ACO1: variants seen among roughly 807,000 people sequenced by gnomAD.
The protein encoded by ACO1 is cytoplasmic aconitate hydratase.
ACO1 carries 78 observed loss-of-function variants against 105.1 expected under a neutral mutation model. The ratio of observed to expected loss-of-function variants is 0.74; its 90% CI spans 0.62 to 0.90. The LOEUF (loss-of-function observed/expected upper bound fraction) is 0.90, where lower values mean the gene tolerates loss of function less well. Among genes scored for constraint, ACO1 ranks in the 40% least tolerant of loss-of-function variants. ACO1 has a pLI of 0.00. For synonymous variants in ACO1, 364 were observed against 397.4 expected (o/e 0.92, Z 1.00); for missense variants, 965 against 1,111.1 (o/e 0.87, Z 1.87).
chr9:32,435,515 AAC>A (rs1355913220), intron 17 of ACO1, among the ~76,000 whole-genome samples: 1 of 152,204 alleles, frequency 6.6e-6, no homozygotes, highest in African/African-American at 2.4e-5. Flanking sequence ...AATTCTATCT[AAC>A]CATTGATTAA....
chr9:32,446,605 T>G (rs1389804649), intron 19 of ACO1, among the ~76,000 whole-genome samples: 3 of 152,254 alleles, frequency 2.0e-5, no homozygotes, highest in African/African-American at 7.2e-5. Context: ...AATACTGTTA[T>G]GTGTGAATTG....
intron 18 of ACO1, among the ~76,000 whole-genome samples, chr9:32,437,112 T>C (rs932558571): frequency 2.0e-5 from 3 of 152,218 alleles, no homozygotes; most frequent in Admixed American, 6.5e-5. Flanking sequence ...TGCCGACTTA[T>C]TTTAAAATAA....
chr9:32,403,712 C>A (rs183214971), intron 1 of ACO1, among the ~76,000 whole-genome samples: 123 of 152,296 alleles, frequency 8.1e-4, no homozygotes, highest in African/African-American at 2.9e-3. Flanking sequence ...GGATTCGACA[C>A]AGAGATAAGG....
At chr9:32,418,561 T>C in intron 6 of ACO1, 50 bp downstream of exon 6, 1 of 1,539,708 alleles carries the variant, frequency 6.5e-7, no homozygotes, top group Non-Finnish European at 8.8e-7. Context: ...TTTAATTCAC[T>C]GTGATTCTAT....
intron 20 of ACO1, among the ~76,000 whole-genome samples, chr9:32,449,591 G>A (rs1046511825): frequency 6.6e-6 from 1 of 152,156 alleles, no homozygotes; most frequent in East Asian, 1.9e-4. Context: ...TCTCAGATAA[G>A]CAGATGGGCC....
chr9:32,416,917 C>T (rs1050025400), intron 4 of ACO1, among the ~76,000 whole-genome samples: 17 of 152,212 alleles, frequency 1.1e-4, no homozygotes, highest in Non-Finnish European at 2.2e-4. Flanking sequence ...GATAAGTTCA[C>T]ATGTGTAAAG....
At chr9:32,399,979 T>TTTTC in intron 1 of ACO1, among the ~76,000 whole-genome samples, 1 of 136,548 alleles carries the variant, frequency 7.3e-6, no homozygotes, top group Admixed American at 7.3e-5. Flanking sequence ...TTTTTTTTTT[T>TTTTC]TTTTTTTTTG....
chr9:32,385,542 T>C (rs1447149884), intron 1 of ACO1, among the ~76,000 whole-genome samples: 1 of 152,250 alleles, frequency 6.6e-6, no homozygotes, highest in African/African-American at 2.4e-5. Flanking sequence ...GAACTAATTA[T>C]ATCTTAACAT....
At chr9:32,396,408 C>T (rs1821373111) in intron 1 of ACO1, among the ~76,000 whole-genome samples, 1 of 151,940 alleles carries the variant, frequency 6.6e-6, no homozygotes, top group African/African-American at 2.4e-5. Context: ...AGATTTACAA[C>T]ATCAAAATTG....
At chr9:32,402,410 A>G (rs1013985819) in intron 1 of ACO1, among the ~76,000 whole-genome samples, 1 of 152,206 alleles carries the variant, frequency 6.6e-6, no homozygotes, top group Non-Finnish European at 1.5e-5. Flanking sequence ...TTTATTGTTG[A>G]ATGAAGATCA....
rs142168105 is a variant in ACO1 at position 32,431,111 on chromosome 9, G to A, written c.1726+537G>A. On this transcript the variant is annotated intron_variant, in intron 14 of 20. Coordinates refer to ENST00000309951, the MANE Select transcript of ACO1 (RefSeq NM_002197.3). ...GTGAGTTCTATGTTTGCAGATTTGC[G>A]TAGTCACTAAAATGTATTTTAACCC... Among the ~76,000 whole-genome samples, 15 of 152,292 alleles carry A rather than the reference G, an allele frequency of 9.8e-5. No individual in the cohort carries two copies. In the East Asian group the frequency reaches 2.1e-3, roughly 22 times the overall value.
intron 2 of ACO1, 72 bp from the exon 3 acceptor site, chr9:32,407,189 A>G (rs1821630246): frequency 2.9e-6 from 4 of 1,401,746 alleles, no homozygotes; most frequent in Non-Finnish European, 4.0e-6. Flanking sequence ...AACTTTATAT[A>G]GAGATTGGCC....
At chr9:32,398,092 T>G (rs542596223) in intron 1 of ACO1, among the ~76,000 whole-genome samples, 1 of 152,300 alleles carries the variant, frequency 6.6e-6, no homozygotes, top group African/African-American at 2.4e-5. Context: ...CCTGTGCTCC[T>G]CCTCCTGCTG....
chr9:32,399,081 T>A (rs1821432841), intron 1 of ACO1, among the ~76,000 whole-genome samples: 1 of 152,206 alleles, frequency 6.6e-6, no homozygotes, highest in African/African-American at 2.4e-5. Context: ...GGTCAAATTG[T>A]CGACAGATTT....
At chr9:32,390,353 A>C (rs61238563) in intron 1 of ACO1, among the ~76,000 whole-genome samples, 1 of 152,266 alleles carries the variant, frequency 6.6e-6, no homozygotes, top group African/African-American at 2.4e-5. Flanking sequence ...CTGCCTGTGC[A>C]TCTGAATTCA....
chr9:32,402,326 C>T (rs570626827), intron 1 of ACO1, among the ~76,000 whole-genome samples: 1 of 152,240 alleles, frequency 6.6e-6, no homozygotes, highest in South Asian at 2.1e-4. Flanking sequence ...AAAAGAAAAA[C>T]ACCATATATA....
chr9:32,396,183 C>A (rs1329491275), intron 1 of ACO1, among the ~76,000 whole-genome samples: 2 of 152,196 alleles, frequency 1.3e-5, no homozygotes, highest in Admixed American at 6.5e-5. Flanking sequence ...CAAGTACAAT[C>A]TAATATTTTC....
intron 19 of ACO1, among the ~76,000 whole-genome samples, chr9:32,444,415 G>A (rs1822553087): frequency 6.6e-6 from 1 of 152,098 alleles, no homozygotes; most frequent in Admixed American, 6.5e-5. Context: ...CTTCCACAAT[G>A]GTTGAACTAA....
At chr9:32,402,628 A>G (rs1306953647) in intron 1 of ACO1, among the ~76,000 whole-genome samples, 1 of 152,098 alleles carries the variant, frequency 6.6e-6, no homozygotes, top group African/African-American at 2.4e-5. Flanking sequence ...AGGATTAGGG[A>G]TGGGATGAGT....
Sources: gnomAD v4.1 joint callset for allele counts (sites outside exome capture counted in the v4.1 genomes callset) on GRCh38, gnomAD v4.1.1 for gene constraint, MANE v1.5 for transcripts, NCBI Gene and HGNC (gene_info 2026-07-23, HGNC 2026-07-21) for gene names.